RNF150: variants seen among roughly 807,000 people sequenced by gnomAD.
The protein encoded by RNF150 is ring finger protein 150.
Under a neutral mutation model 39.3 loss-of-function variants are expected in RNF150, and 24 were observed. The observed-to-expected ratio is 0.61, with a 90% confidence interval of 0.44 to 0.86. RNF150 has a LOEUF of 0.86. Among genes scored for constraint, RNF150 ranks in the 40% least tolerant of loss-of-function variants. The probability of loss-of-function intolerance (pLI) is 0.00; values close to 1 mark genes in which losing one functional copy is unlikely to be tolerated. For synonymous variants in RNF150, 255 were observed against 227.3 expected (o/e 1.12, Z -1.10); for missense variants, 502 against 587.8 (o/e 0.85, Z 1.51).
intron 1 of RNF150, among the ~76,000 whole-genome samples, chr4:141,180,013 A>G (rs1377239548): frequency 1.3e-5 from 2 of 152,204 alleles, no homozygotes; most frequent in African/African-American, 4.8e-5. Flanking sequence ...TATTCACAGC[A>G]TCTCAGATAA....
At chr4:141,109,461 T>C (rs556015518) in intron 1 of RNF150, among the ~76,000 whole-genome samples, 1 of 151,982 alleles carries the variant, frequency 6.6e-6, no homozygotes, top group South Asian at 2.1e-4. Context: ...AAGCAGAAGA[T>C]TCTTGGTAAA....
chr4:140,923,169 C>G (rs1224528573), intron 5 of RNF150, among the ~76,000 whole-genome samples: 1 of 152,124 alleles, frequency 6.6e-6, no homozygotes. Context: ...AAACCACCAT[C>G]AGGGTGAACA....
In RNF150 at chr4:140,864,314, A is replaced by G. The variant is rs1184610120; in HGVS notation, c.*3947T>C. 3.3e-5 allele frequency: 5 copies of G among 152,204 alleles called. No individual in the cohort carries two copies. The highest frequency in any genetic ancestry group is 6.5e-5 in the Admixed American group (1 of 15,274). The allele number at this position is 152,204 out of a possible 1,614,324, so 9.4% of individuals were successfully genotyped here. A position where few individuals can be genotyped will look rare whatever the true frequency, so the allele number is the denominator to read the frequency against. On this transcript the variant is annotated 3_prime_UTR_variant, in exon 7 of 7. Coordinates refer to ENST00000515673, the MANE Select transcript of RNF150 (RefSeq NM_020724.2). Reference sequence around the variant, plus strand: ...ATATCTAACCCTAGAGATTAAGTCAATGTTCAAAAGCTGTATTCATAGTCA... The same window carrying G: ...ATATCTAACCCTAGAGATTAAGTCAGTGTTCAAAAGCTGTATTCATAGTCA...
chr4:141,153,463 C>T (rs1050907747), intron 1 of RNF150, among the ~76,000 whole-genome samples: 24 of 152,064 alleles, frequency 1.6e-4, no homozygotes, highest in African/African-American at 5.3e-4. Context: ...GGGGAGGGGC[C>T]TCAGAAGAAA....
intron 1 of RNF150, among the ~76,000 whole-genome samples, chr4:141,016,590 C>G (rs1376634360): frequency 6.6e-6 from 1 of 152,232 alleles, no homozygotes; most frequent in Non-Finnish European, 1.5e-5. Context: ...ACAACTGGCT[C>G]GCTCTTGAAT....
intron 1 of RNF150, among the ~76,000 whole-genome samples, chr4:141,188,028 G>C (rs1293454493): frequency 6.6e-6 from 1 of 152,126 alleles, no homozygotes; most frequent in Non-Finnish European, 1.5e-5. Flanking sequence ...CAGAGCTCTT[G>C]TAAGGCAAGC....
chr4:140,890,649 A>G (rs912888358), intron 6 of RNF150, among the ~76,000 whole-genome samples: 21 of 152,198 alleles, frequency 1.4e-4, no homozygotes, highest in African/African-American at 4.3e-4. Context: ...CAAGCCAGGA[A>G]GAGGTATCTC....
At chr4:141,195,013 A>T (rs768160950) in intron 1 of RNF150, among the ~76,000 whole-genome samples, 4 of 152,138 alleles carry the variant, frequency 2.6e-5, no homozygotes, top group Non-Finnish European at 5.9e-5. Context: ...ATTATGTAAG[A>T]TAAGTACAGA....
rs541108110 is a variant in RNF150, at chr4:141,106,669, C to T, written c.484+25656G>A. Among the ~76,000 whole-genome samples the T allele has an allele frequency of 9.2e-5, 14 of 152,188 alleles. No homozygotes were observed. The East Asian group carries it at 2.5e-3, about 27-fold the overall frequency. On this transcript the variant is annotated intron_variant, in intron 1 of 6. Transcript: ENST00000515673. The stretch of plus-strand genomic sequence containing the variant: ...ATTAGCTGGGCATGGTGGTGGGCGC[C>T]TGTAGTCCCAGCTGCTTGGGAGGGT...
intron 1 of RNF150, among the ~76,000 whole-genome samples, chr4:141,000,078 A>AAGG (rs1734599107): frequency 3.8e-5 from 3 of 78,804 alleles, no homozygotes; most frequent in Admixed American, 3.7e-4. Context: ...GAAGAAGAAG[A>AAGG]AGAAGAAGGA....
intron 1 of RNF150, among the ~76,000 whole-genome samples, chr4:141,195,099 T>C (rs1728179533): frequency 7.3e-6 from 1 of 136,972 alleles, no homozygotes; most frequent in African/African-American, 3.0e-5. Context: ...CCTTTCCAGA[T>C]ACATGAATAC....
chr4:141,048,311 G>C (rs145715086), intron 1 of RNF150, among the ~76,000 whole-genome samples: 24 of 152,296 alleles, frequency 1.6e-4, no homozygotes, highest in Non-Finnish European at 2.5e-4. Flanking sequence ...ACAATGAAAT[G>C]AGACGTCTCC....
At chr4:141,115,229 A>G (rs184735933) in intron 1 of RNF150, among the ~76,000 whole-genome samples, 1 of 152,240 alleles carries the variant, frequency 6.6e-6, no homozygotes, top group Non-Finnish European at 1.5e-5. Flanking sequence ...ACATGATTGT[A>G]TGTTTAGAAA....
chr4:141,176,187 C>T (rs1043567204), intron 1 of RNF150, among the ~76,000 whole-genome samples: 3 of 152,050 alleles, frequency 2.0e-5, no homozygotes, highest in African/African-American at 4.8e-5. Context: ...CATGAGCCAC[C>T]ACACCCAGGC....
chr4:141,068,646 G>C (rs1396389672), intron 1 of RNF150, among the ~76,000 whole-genome samples: 1 of 151,218 alleles, frequency 6.6e-6, no homozygotes, highest in Non-Finnish European at 1.5e-5. Context: ...AAATTACCTT[G>C]GGCAGTATGG....
At chr4:141,043,987 C>G (rs1736464993) in intron 1 of RNF150, among the ~76,000 whole-genome samples, 1 of 152,160 alleles carries the variant, frequency 6.6e-6, no homozygotes, top group Non-Finnish European at 1.5e-5. Context: ...ATTGTCTCAT[C>G]TAACACTCAC....
At chr4:141,193,736 C>A (rs775052320) in intron 1 of RNF150, among the ~76,000 whole-genome samples, 1 of 152,120 alleles carries the variant, frequency 6.6e-6, no homozygotes, top group Admixed American at 6.6e-5. Context: ...GAGAGAGAAG[C>A]CTGTCTGATA....
intron 1 of RNF150, among the ~76,000 whole-genome samples, chr4:141,029,435 T>C (rs1025906241): frequency 2.0e-5 from 3 of 152,232 alleles, no homozygotes; most frequent in African/African-American, 7.2e-5. Flanking sequence ...CTTCAACTCT[T>C]GTTCAGTTTA....
At chr4:140,927,600 C>G (rs1197111938) in intron 4 of RNF150, among the ~76,000 whole-genome samples, 2 of 151,978 alleles carry the variant, frequency 1.3e-5, no homozygotes, top group Non-Finnish European at 2.9e-5. Context: ...CATCATGCTT[C>G]CTATAGCCTA....
Sources: allele counts gnomAD v4.1 joint callset (sites outside exome capture counted in the v4.1 genomes callset), GRCh38; gene constraint gnomAD v4.1.1; transcripts MANE v1.5; gene names NCBI Gene and HGNC (gene_info 2026-07-23, HGNC 2026-07-21).